The following ABCC6 variants were observed in gnomAD, a reference collection of about 807,000 sequenced individuals.
ABCC6 encodes ATP binding cassette subfamily C member 6.
In ABCC6, 126 loss-of-function variants were observed where a neutral mutation model predicts 169.5. That is an observed-to-expected ratio of 0.74 (90% CI 0.64 to 0.86). The LOEUF is 0.86. ABCC6 is among the 40% of genes least tolerant of loss of function. The pLI, the probability that ABCC6 is intolerant of heterozygous loss-of-function variation, is 0.00. For missense variants in ABCC6, 1,733 were observed against 1,927.2 expected, an observed-to-expected ratio of 0.90 and a Z score of 1.89; for synonymous variants, 752 against 814.7, an observed-to-expected ratio of 0.92 and a Z score of 1.31.
chr16:16,187,906 AT>A (rs398119261), intron 13 of ABCC6, among the ~76,000 whole-genome samples: 25,655 of 91,298 alleles, frequency 0.28, 2,490 homozygotes, highest in African/African-American at 0.31. Flanking sequence ...CAATAAATAA[AT>A]TAAATAAATA....
At position 16,177,610 on chromosome 16, in the gene ABCC6, G is replaced by C. The variant is rs72653796; in HGVS notation, c.2432C>G (p.Thr811Arg). 7 of 1,614,060 alleles carry C rather than the reference G, an allele frequency of 4.3e-6. No homozygotes were observed. The South Asian group carries it at 6.6e-5, about 15-fold the overall frequency. The change falls in exon 19 of 31, where the codon ACG (threonine) becomes AGG (arginine). Residue 811 changes from threonine (T) to arginine (R), a missense_variant. Physicochemically the swap from Thr to Arg is moderately conservative, Grantham distance 71 (BLOSUM62 -1). This residue lies in a region of ABCC6 where 1,601 missense variants were observed against 1,635.5 expected (regional missense o/e 0.98). Coordinates refer to ENST00000205557, the MANE Select transcript of ABCC6 (RefSeq NM_001171.6). ...LLQGTTRILV[T>R]HALHILPQAD... ...CTGGGGCAGGATGTGGAGTGCGTGCGTCACGAGAATCCGTGTCTGGGCAGG... is the reference window on the plus strand; with the variant it reads ...CTGGGGCAGGATGTGGAGTGCGTGCCTCACGAGAATCCGTGTCTGGGCAGG...
intron 30 of ABCC6, 116 bp downstream of exon 30, chr16:16,150,462 C>G (rs982206144): frequency 4.7e-6 from 7 of 1,503,984 alleles, no homozygotes; most frequent in Non-Finnish European, 5.3e-6. Flanking sequence ...CCCGCTCTGG[C>G]CCCATTCAGG....
chr16:16,192,451 C>T (rs577296998), intron 11 of ABCC6, among the ~76,000 whole-genome samples: 160 of 152,088 alleles, frequency 1.1e-3, no homozygotes, highest in African/African-American at 3.7e-3. Context: ...AGGGCAGAGG[C>T]GGGGAGTGAG....
chr16:16,169,762 G>A lies in ABCC6; in HGVS notation c.2879C>T (p.Ala960Val). The change falls in exon 22 of 31, where the codon GCC becomes GTC. Residue 960 changes from alanine (A) to valine (V), a missense_variant. This residue lies in a region of ABCC6 where 1,601 missense variants were observed against 1,635.5 expected (regional missense o/e 0.98). Transcript: ENST00000205557. ...ALFLFLCQQV[A>V]SFCRGYWLSL... Reference sequence around the variant, plus strand: ...CAGCCAGTAGCCCCGGCAGAAGGAGGCCACTTGCTGGCAGAGGAAGAGGAA... The same window carrying A: ...CAGCCAGTAGCCCCGGCAGAAGGAGACCACTTGCTGGCAGAGGAAGAGGAA... 1 of 1,599,904 alleles carries A rather than the reference G, an allele frequency of 6.3e-7. No homozygotes were observed. Among genetic ancestry groups the A allele is most frequent in the Non-Finnish European group, 8.5e-7 (1 of 1,173,750 alleles).
intron 13 of ABCC6, among the ~76,000 whole-genome samples, chr16:16,187,474 A>G (rs574909867): frequency 1.3e-5 from 2 of 152,342 alleles, no homozygotes; most frequent in Admixed American, 1.3e-4. Context: ...AGATCTGGGA[A>G]GAGGATGGTG....
At position 16,181,337 on chromosome 16, in the gene ABCC6, C is replaced by T. The variant is rs577118016; in HGVS notation, c.2247+1075G>A. 2.0e-4 allele frequency among the ~76,000 whole-genome samples: 24 copies of T among 119,508 alleles called. No homozygotes were observed. In the South Asian group the frequency reaches 6.9e-3, roughly 34 times the overall value. The allele number at this position is 119,508 out of a possible 152,430, so 78.4% of individuals were successfully genotyped here. The stretch of plus-strand genomic sequence containing the variant: ...CAGCCTGGGCAACAGAGCGAGACTC[C>T]GTCTCAGAAAAAAAAAAAAAAAAAA... On this transcript the variant is annotated intron_variant, in intron 17 of 30. Coordinates refer to ENST00000205557, the MANE Select transcript of ABCC6 (RefSeq NM_001171.6).
chr16:16,165,933 G>C lies in ABCC6; in HGVS notation c.2996C>G (p.Ala999Gly). The C allele has an allele frequency of 6.2e-7, 1 of 1,612,762 alleles. No homozygotes were observed. The change falls in exon 23 of 31, where the codon GCC becomes GGC. Residue 999 changes from alanine to glycine, a missense_variant and splice_region_variant. Physicochemically the swap from Ala to Gly is moderately conservative, Grantham distance 60 (BLOSUM62 0). Transcript: ENST00000205557. Reference protein sequence around the residue: ...GIFGLLGCLQAIGLFASMAAV... With the variant: ...GIFGLLGCLQGIGLFASMAAV... ...AGCCATGGAGGCAAACAGCCCAATG[G>C]CTGGGGAGGGAGAGGAGGTAAGAGC... is the stretch of plus-strand genomic sequence containing the variant.
chr16:16,150,014 G>A lies in ABCC6; in HGVS notation c.*119C>T. On this transcript the variant is annotated 3_prime_UTR_variant, in exon 31 of 31. Coordinates refer to ENST00000205557, the MANE Select transcript of ABCC6 (RefSeq NM_001171.6). The stretch of plus-strand genomic sequence containing the variant: ...TTCTCTGCCATTTTCCTCCCAGAGA[G>A]CAAACACAGGTCTAGACTCAATATC... 4 of 1,464,050 alleles carry A rather than the reference G, an allele frequency of 2.7e-6. No individual in the cohort carries two copies. The highest frequency in any genetic ancestry group is 3.7e-6 in the Non-Finnish European group (4 of 1,069,436). The allele number at this position is 1,464,050 out of a possible 1,614,324, so 90.7% of individuals were successfully genotyped here.
intron 15 of ABCC6, 150 bp from the exon 16 acceptor site, chr16:16,183,080 C>T: frequency 8.1e-7 from 1 of 1,240,926 alleles, no homozygotes; most frequent in Non-Finnish European, 1.2e-6. Context: ...CCTTGTCTAG[C>T]TATTTGAGGA....
intron 6 of ABCC6, among the ~76,000 whole-genome samples, chr16:16,211,428 A>G (rs2048618184): frequency 6.6e-6 from 1 of 152,124 alleles, no homozygotes; most frequent in African/African-American, 2.4e-5. Context: ...ATTACCACTT[A>G]AACTCATTAT....
rs1424509415 is a variant in ABCC6 at position 16,155,066 on chromosome 16, C to T, written c.3883-35G>A. 2.6e-6 allele frequency: 4 copies of T among 1,539,800 alleles called. No individual in the cohort carries two copies. The Admixed American group carries it at 7.9e-5, about 30-fold the overall frequency. ...GTTGGGAGGAAAGGCCTGCTCTGAC[C>T]AGAGGGTTTGTGGGCATTTATTGGG... On this transcript the variant is annotated intron_variant, in intron 27 of 30. Transcript: ENST00000205557.
rs1036367451 is a variant in ABCC6, at chr16:16,221,476, C to T, written c.219+173G>A. The T allele has an allele frequency of 8.9e-6, 13 of 1,455,418 alleles. No individual in the cohort carries two copies. The African/African-American group carries it at 1.4e-4, about 16-fold the overall frequency. 90.2% of individuals were successfully genotyped at this position (1,455,418 alleles called of 1,614,324 possible). ...AATTACAAAATCTGTTTGGGAGAAC[C>T]GTGTTCCACTGAGTTGACCTCTGTA... On this transcript the variant is annotated intron_variant, in intron 2 of 30. Coordinates refer to ENST00000205557, the MANE Select transcript of ABCC6 (RefSeq NM_001171.6).
At chr16:16,190,479 A>G in intron 11 of ABCC6, 112 bp from the exon 12 acceptor site, 1 of 1,200,882 alleles carries the variant, frequency 8.3e-7, no homozygotes, top group Non-Finnish European at 1.2e-6. Flanking sequence ...ACTGCGTCCC[A>G]AACCTGTCTG....
intron 29 of ABCC6, among the ~76,000 whole-genome samples, chr16:16,152,889 A>G (rs979982899): frequency 7.7e-5 from 11 of 142,692 alleles, no homozygotes; most frequent in African/African-American, 2.7e-4. Flanking sequence ...AATCCAGAAC[A>G]CCTTAGGTTT....
In ABCC6 at chr16:16,169,642, G is replaced by GTACC; in HGVS notation, c.2995_2995+3dup. On this transcript the variant is annotated splice_donor_region_variant and intron_variant, in intron 22 of 30. Transcript: ENST00000205557. ...GAGGGATGAGGAGGGCAGGTGAGGC[G>GTACC]TACCTTGGAGACAGCCGAGGAGCCC... 6.2e-7 allele frequency: 1 copy of GTACC among 1,610,322 alleles called. No homozygotes were observed. Among genetic ancestry groups the GTACC allele is most frequent in the Non-Finnish European group, 8.5e-7 (1 of 1,179,520 alleles).
intron 22 of ABCC6, among the ~76,000 whole-genome samples, chr16:16,167,716 G>A (rs909963286): frequency 2.0e-5 from 3 of 152,228 alleles, no homozygotes; most frequent in Non-Finnish European, 2.9e-5. Flanking sequence ...TGATCCACCC[G>A]CCTCGGCCTC....
intron 24 of ABCC6, among the ~76,000 whole-genome samples, chr16:16,162,005 A>C (rs1326136670): frequency 6.6e-6 from 1 of 152,144 alleles, no homozygotes; most frequent in Non-Finnish European, 1.5e-5. Context: ...GAGTTCTCAC[A>C]AGATCATATG....
chr16:16,163,110 G>A lies in ABCC6; in HGVS notation c.3389C>T (p.Thr1130Met), dbSNP rs63750459. 153 of 1,613,736 alleles carry A rather than the reference G, an allele frequency of 9.5e-5. No individual in the cohort carries two copies. Among genetic ancestry groups the A allele is most frequent in the Middle Eastern group, 1.6e-4 (1 of 6,084 alleles). ...YSSVCSHMAE[T>M]FQGSTVVRAF... ...CCGGACCACTGTGCTGCCCTGGAAC[G>A]TCTCAGCCATGTGGGAGCAGACAGA... Residue 1130 changes from threonine (T) to methionine (M), a missense_variant, in exon 24 of 31, where the codon ACG becomes ATG. Physicochemically the swap from Thr to Met is moderately conservative, Grantham distance 81 (BLOSUM62 -1). Coordinates refer to ENST00000205557, the MANE Select transcript of ABCC6 (RefSeq NM_001171.6).
At chr16:16,162,562 C>G (rs28528908) in intron 24 of ABCC6, among the ~76,000 whole-genome samples, 2 of 152,204 alleles carry the variant, frequency 1.3e-5, no homozygotes, top group Non-Finnish European at 2.9e-5. Flanking sequence ...TCCATGAGCA[C>G]GATCCCAGTT....
Sources: gnomAD v4.1 joint callset for allele counts (sites outside exome capture counted in the v4.1 genomes callset) on GRCh38, gnomAD v4.1.1 for gene constraint, gnomAD v4.1.1 regional missense constraint, MANE v1.5 for transcripts, NCBI Gene and HGNC (gene_info 2026-07-23, HGNC 2026-07-21) for gene names.